SERPINB5: variants seen among roughly 807,000 people sequenced by gnomAD.
SERPINB5 encodes the protein serpin B5.
Under a neutral mutation model 32.2 loss-of-function variants are expected in SERPINB5, and 27 were observed. The observed-to-expected ratio is 0.84, with a 90% CI of 0.62 to 1.16. The LOEUF is 1.16. Among genes scored for constraint, SERPINB5 ranks in the 50% most tolerant of loss-of-function variants. SERPINB5 has a pLI of 0.00. For synonymous variants in SERPINB5, 154 were observed against 157.4 expected (o/e 0.98, Z 0.16); for missense variants, 388 against 436.3 (o/e 0.89, Z 0.99).
At chr18:63,494,026 T>A (rs1909397284) in intron 5 of SERPINB5, among the ~76,000 whole-genome samples, 2 of 152,056 alleles carry the variant, frequency 1.3e-5, no homozygotes, top group South Asian at 4.1e-4. Flanking sequence ...AGTAAATATG[T>A]TAAATAATTA....
intron 4 of SERPINB5, 50 bp from the exon 5 acceptor site, chr18:63,492,903 T>A: frequency 6.3e-7 from 1 of 1,578,226 alleles, no homozygotes; most frequent in Non-Finnish European, 8.6e-7. Flanking sequence ...ATTTCAGATG[T>A]AGTTTGGAAG....
At chr18:63,500,893 ACT>A (rs201794838) in intron 6 of SERPINB5, among the ~76,000 whole-genome samples, 1 of 149,554 alleles carries the variant, frequency 6.7e-6, no homozygotes, top group Admixed American at 6.6e-5. Context: ...TTGGTGCATT[ACT>A]CTCTCTGTTT....
chr18:63,483,919 A>G (rs1917162446), intron 1 of SERPINB5, among the ~76,000 whole-genome samples: 1 of 152,228 alleles, frequency 6.6e-6, no homozygotes, highest in African/African-American at 2.4e-5. Flanking sequence ...GGTAATGGGG[A>G]TTAGGACTTA....
Position 63,499,555 on chromosome 18 carries a change from A to T in SERPINB5, c.735+268A>T, listed in dbSNP as rs1163617093. Among the ~76,000 whole-genome samples the T allele has an allele frequency of 2.0e-5, 3 of 152,164 alleles. No homozygotes were observed. In the East Asian group the frequency reaches 5.8e-4, roughly 29 times the overall value. On this transcript the variant is annotated intron_variant, in intron 6 of 6. Coordinates refer to ENST00000382771, the MANE Select transcript of SERPINB5 (RefSeq NM_002639.5). ...CTCATTTAATTCTTACAGCAGGCTG[A>T]TGAGTTAGAGACTGTTACCACACTC... is the stretch of plus-strand genomic sequence containing the variant.
chr18:63,497,091 C>A lies in SERPINB5; in HGVS notation c.568-2029C>A, dbSNP rs111992052. The A allele has an allele frequency of 2.6e-3, 1,566 of 597,242 alleles. 19 individuals carry two copies. The highest frequency in any genetic ancestry group is 0.026 in the African/African-American group (1,396 of 54,620). The allele number at this position is 597,242 out of a possible 1,614,324, so 37.0% of individuals were successfully genotyped here. On this transcript the variant is annotated intron_variant, in intron 5 of 6. Transcript: ENST00000382771. Reference sequence around the variant, plus strand: ...TGCCTCCTTCTTGAATAGCCCAGAGCATTCATCTAAACAGCCTTCCTACAG... The same window carrying A: ...TGCCTCCTTCTTGAATAGCCCAGAGAATTCATCTAAACAGCCTTCCTACAG...
intron 3 of SERPINB5, among the ~76,000 whole-genome samples, chr18:63,488,941 C>T (rs1352259154): frequency 3.3e-5 from 5 of 152,116 alleles, no homozygotes; most frequent in Admixed American, 3.3e-4. Flanking sequence ...CAAGGGTCTA[C>T]AGGATATTTA....
intron 1 of SERPINB5, among the ~76,000 whole-genome samples, chr18:63,479,943 G>A (rs1917099706): frequency 6.6e-6 from 1 of 152,212 alleles, no homozygotes; most frequent in African/African-American, 2.4e-5. Flanking sequence ...TTTGGAACTC[G>A]AGAGACTTCT....
At chr18:63,487,305 C>A (rs1917231781) in intron 3 of SERPINB5, among the ~76,000 whole-genome samples, 1 of 152,130 alleles carries the variant, frequency 6.6e-6, no homozygotes, top group Non-Finnish European at 1.5e-5. Context: ...ATGGGCTTTC[C>A]TTTTCTCTCT....
At position 63,498,246 on chromosome 18, in the gene SERPINB5, T is replaced by A. The variant is rs1318802265; in HGVS notation, c.568-874T>A. On this transcript the variant is annotated intron_variant, in intron 5 of 6. Transcript: ENST00000382771. The surrounding 1 kb of genome is among the most constrained non-coding windows in gnomAD (Gnocchi z 4.2). ...CTGAGATTACAGGCGTGTGCCACCA[T>A]GCCTGGCTGACTTTTGTATTTTTTA... is the stretch of plus-strand genomic sequence containing the variant. Among the ~76,000 whole-genome samples the A allele has an allele frequency of 6.6e-6, 1 of 152,176 alleles. No individual in the cohort carries two copies. The highest frequency in any genetic ancestry group is 2.4e-5 in the African/African-American group (1 of 41,454).
chr18:63,491,475 T>G (rs1191172071), intron 4 of SERPINB5, among the ~76,000 whole-genome samples: 1 of 139,134 alleles, frequency 7.2e-6, no homozygotes, highest in East Asian at 2.0e-4. Context: ...ATGCCATTCT[T>G]TCTTTCATTT....
chr18:63,499,319 C>A, intron 6 of SERPINB5, 32 bp downstream of exon 6: 1 of 1,454,092 alleles, frequency 6.9e-7, no homozygotes, highest in Non-Finnish European at 9.1e-7. Flanking sequence ...TCCACAAAGG[C>A]ACCCCCTGCC....
chr18:63,491,708 CAG>C (rs1909342250), intron 4 of SERPINB5, among the ~76,000 whole-genome samples: 1 of 151,966 alleles, frequency 6.6e-6, no homozygotes, highest in Non-Finnish European at 1.5e-5. Flanking sequence ...CTCCTGACCT[CAG>C]GTGATCCACC....
chr18:63,497,900 A>C (rs1909485206), intron 5 of SERPINB5, among the ~76,000 whole-genome samples: 1 of 152,212 alleles, frequency 6.6e-6, no homozygotes, highest in Admixed American at 6.5e-5. Context: ...TCAAGGCCAC[A>C]GAATCTGTTT....
chr18:63,479,103 C>G (rs949096486), intron 1 of SERPINB5, among the ~76,000 whole-genome samples: 5 of 152,166 alleles, frequency 3.3e-5, no homozygotes, highest in South Asian at 2.1e-4. Context: ...ACTCATAGCT[C>G]TGTTTAAATA....
rs1362180281 is a variant in SERPINB5 at position 63,486,971 on chromosome 18, A to T, written c.194A>T (p.Asp65Val). ...GQVLHFENVKDVPFGFQTVTS... is the reference protein window; with the variant it reads ...GQVLHFENVKVVPFGFQTVTS... ...GTTCTTCATTTTGAAAATGTCAAAG[A>T]TGTACCCTTTGGATTTCAAACAGTA... The change falls in exon 3 of 7, where the codon GAT becomes GTT. Residue 65 changes from aspartate (D) to valine (V), a missense_variant. Physicochemically the swap from Asp to Val is radical, Grantham distance 152. Coordinates refer to ENST00000382771, the MANE Select transcript of SERPINB5 (RefSeq NM_002639.5). 6 of 1,614,024 alleles carry T rather than the reference A, an allele frequency of 3.7e-6. No individual in the cohort carries two copies. The highest frequency in any genetic ancestry group is 5.1e-6 in the Non-Finnish European group (6 of 1,180,024).
chr18:63,490,059 G>A (rs1406488524), intron 4 of SERPINB5, among the ~76,000 whole-genome samples: 1 of 152,154 alleles, frequency 6.6e-6, no homozygotes, highest in Non-Finnish European at 1.5e-5. Flanking sequence ...GGGCGTGGTG[G>A]CGGGCGCCTG....
intron 1 of SERPINB5, among the ~76,000 whole-genome samples, chr18:63,478,053 AC>A (rs1917064235): frequency 6.6e-6 from 1 of 152,116 alleles, no homozygotes; most frequent in Non-Finnish European, 1.5e-5. Flanking sequence ...TGGGTTCCAA[AC>A]CTCAGTCCCT....
At chr18:63,493,143 G>A in intron 5 of SERPINB5, 48 bp downstream of exon 5, 2 of 1,612,492 alleles carry the variant, frequency 1.2e-6, no homozygotes, top group Non-Finnish European at 1.7e-6. Context: ...TTATAGATGT[G>A]AAAAATGATA....
At position 63,487,008 on chromosome 18, in the gene SERPINB5, A is replaced by G. The variant is rs200213704; in HGVS notation, c.231A>G (p.Val77=). 45 of 1,614,060 alleles carry G rather than the reference A, an allele frequency of 2.8e-5. No homozygotes were observed. Among genetic ancestry groups the G allele is most frequent in the Non-Finnish European group, 3.8e-5 (45 of 1,179,980 alleles). Residue 77 remains valine (V), a synonymous_variant, in exon 3 of 7, where the codon GTA becomes GTG. Transcript: ENST00000382771. ...PFGFQTVTSD[V]NKLSSFYSLK... ...GATTTCAAACAGTAACATCGGATGT[A>G]AACAAACTTAGTTCCTTTTACTCAC...
Sources: allele counts gnomAD v4.1 joint callset (sites outside exome capture counted in the v4.1 genomes callset), GRCh38; gene constraint gnomAD v4.1.1; non-coding constraint Gnocchi (gnomAD v3.1); transcripts MANE v1.5; gene names NCBI Gene and HGNC (gene_info 2026-07-23, HGNC 2026-07-21).